Variants in PTBP1 observed in about 807,000 individuals in gnomAD.
The protein encoded by PTBP1 is polypyrimidine tract binding protein 1.
Under a neutral mutation model 59.8 loss-of-function variants are expected in PTBP1, and 8 were observed. The ratio of observed to expected loss-of-function variants is 0.13; its 90% CI spans 0.08 to 0.24. The LOEUF is 0.24. PTBP1 is among the 10% of genes least tolerant of loss of function. The pLI, the probability that PTBP1 is intolerant of heterozygous loss-of-function variation, is 1.00. For synonymous variants in PTBP1, 490 were observed against 320.7 expected (o/e 1.53, Z -5.64); for missense variants, 686 against 767.0 (o/e 0.89, Z 1.25).
chr19:808,970 CAG>C lies in PTBP1; in HGVS notation c.1463+209_1463+210del, dbSNP rs764001868. On this transcript the variant is annotated intron_variant, in intron 13 of 14. Transcript: ENST00000356948. This position sits in a 1 kb window ranked among gnomAD's most constrained non-coding sequence, Gnocchi z 4.7. Reference sequence around the variant, plus strand: ...GTTGGACACTTTGGAGGTTTTGGCTCAGGGGATGCTCCCTGTGAGAATGTATA... The same window carrying C: ...GTTGGACACTTTGGAGGTTTTGGCTCGGGATGCTCCCTGTGAGAATGTATA... Among the ~76,000 whole-genome samples the C allele has an allele frequency of 8.5e-5, 13 of 152,284 alleles. No homozygotes were observed. The highest frequency in any genetic ancestry group is 3.9e-4 in the East Asian group (2 of 5,172).
intron 3 of PTBP1, 104 bp downstream of exon 3, chr19:803,740 GC>G: frequency 9.2e-7 from 1 of 1,084,506 alleles, no homozygotes; most frequent in Non-Finnish European, 1.4e-6. Context: ...AACTGCAGGG[GC>G]CCATGGTCCA....
At chr19:799,590 C>T (rs1234010480) in intron 2 of PTBP1, 147 bp downstream of exon 2, 8 of 847,224 alleles carry the variant, frequency 9.4e-6, no homozygotes, top group South Asian at 8.4e-5. Context: ...TGGAGTTGGG[C>T]GGTAGGGTTT....
chr19:798,088 C>T (rs1006525707), intron 1 of PTBP1, among the ~76,000 whole-genome samples: 1 of 151,748 alleles, frequency 6.6e-6, no homozygotes, highest in African/African-American at 2.4e-5. Flanking sequence ...CTCTGCGCTC[C>T]CCGCCCTACC....
chr19:806,185 CGG>C, intron 9 of PTBP1: 1 of 473,652 alleles, frequency 2.1e-6, no homozygotes, highest in Non-Finnish European at 3.7e-6. Context: ...AGCCCAGGCC[CGG>C]CCCGGCCCGT....
chr19:799,467 T>TC lies in PTBP1; in HGVS notation c.39+26dup, dbSNP rs754631505. 5 of 1,612,488 alleles carry TC rather than the reference T, an allele frequency of 3.1e-6. No individual in the cohort carries two copies. In the African/African-American group the frequency reaches 5.3e-5, roughly 17 times the overall value. The stretch of plus-strand genomic sequence containing the variant: ...AGGTAGGCACTTCTCACTTTGCTTC[T>TC]CCGTGACGCTCCTCTGACCTTGTGC... On this transcript the variant is annotated intron_variant, in intron 2 of 14. Transcript: ENST00000356948.
intron 2 of PTBP1, among the ~76,000 whole-genome samples, 173 bp from the exon 3 acceptor site, chr19:803,388 G>A (rs909026006): frequency 6.6e-6 from 1 of 152,194 alleles, no homozygotes; most frequent in African/African-American, 2.4e-5. Flanking sequence ...GGTGCCGTGC[G>A]CGTCCATGGG....
rs199570797 is a variant in PTBP1 at position 800,676 on chromosome 19, C to T, written c.39+1233C>T. Among the ~76,000 whole-genome samples, 9 of 152,230 alleles carry T rather than the reference C, an allele frequency of 5.9e-5. No homozygotes were observed. The East Asian group carries it at 1.7e-3, about 29-fold the overall frequency. ...GTCTTTACGCGCTGCCTGCCCCGAT[C>T]TTCCTGGAGATAAAACCTGTTTGTT... On this transcript the variant is annotated intron_variant, in intron 2 of 14. Transcript: ENST00000356948.
At position 808,149 on chromosome 19, in the gene PTBP1, A is replaced by G. The variant is rs986689199; in HGVS notation, c.1154-211A>G. 1.4e-4 allele frequency: 89 copies of G among 632,912 alleles called. 1 individual carries two copies. In the East Asian group the frequency reaches 2.4e-3, roughly 17 times the overall value. The allele number at this position is 632,912 out of a possible 1,614,324, so 39.2% of individuals were successfully genotyped here. A position where few individuals can be genotyped will look rare whatever the true frequency, so the allele number is the denominator to read the frequency against. On this transcript the variant is annotated intron_variant, in intron 11 of 14. Transcript: ENST00000356948. This position sits in a 1 kb window ranked among gnomAD's most constrained non-coding sequence, Gnocchi z 4.7. The stretch of plus-strand genomic sequence containing the variant: ...TATGCCACCGTGGCCACCCGCTGGC[A>G]GCTTACCTGTCCTGGATGCTATGAC...
chr19:809,661 C>G (rs1446613181), intron 13 of PTBP1, among the ~76,000 whole-genome samples: 1 of 152,150 alleles, frequency 6.6e-6, no homozygotes, highest in East Asian at 1.9e-4. Context: ...GGGGGCCGGG[C>G]AGGGGATTGC....
chr19:804,677 C>G lies in PTBP1; in HGVS notation c.581C>G (p.Pro194Arg), dbSNP rs1364876001. 1 of 1,612,840 alleles carries G rather than the reference C, an allele frequency of 6.2e-7. No individual in the cohort carries two copies. Among genetic ancestry groups the G allele is most frequent in the Non-Finnish European group, 8.5e-7 (1 of 1,179,598 alleles). Residue 194 changes from proline to arginine, a missense_variant, in exon 6 of 15, where the codon CCT becomes CGT. Physicochemically the swap from Pro to Arg is moderately radical, Grantham distance 103 (BLOSUM62 -2). Coordinates refer to ENST00000356948, the MANE Select transcript of PTBP1 (RefSeq NM_002819.5). ...ATCATCGTGGAGAACCTCTTCTACC[C>G]TGTGACCCTGGATGTGCTGCACCAG... is the stretch of plus-strand genomic sequence containing the variant. ...LRIIVENLFY[P>R]VTLDVLHQIF...
chr19:802,941 AC>A (rs1447874272), intron 2 of PTBP1, among the ~76,000 whole-genome samples: 4 of 152,218 alleles, frequency 2.6e-5, no homozygotes, highest in African/African-American at 9.6e-5. Context: ...CGGCCGCGAT[AC>A]CAGCGGATCA....
At chr19:799,613 C>T (rs1198500374) in intron 2 of PTBP1, among the ~76,000 whole-genome samples, 170 bp downstream of exon 2, 1 of 152,242 alleles carries the variant, frequency 6.6e-6, no homozygotes, top group Non-Finnish European at 1.5e-5. Flanking sequence ...ACCCCGGGCT[C>T]CAGTGCCCGT....
In PTBP1 at chr19:804,061, C is replaced by G; in HGVS notation, c.141C>G (p.Phe47Leu). 1.2e-6 allele frequency: 2 copies of G among 1,614,006 alleles called. No individual in the cohort carries two copies. The highest frequency in any genetic ancestry group is 1.7e-6 in the Non-Finnish European group (2 of 1,179,994). The change falls in exon 4 of 15, where the codon TTC becomes TTG. Residue 47 changes from phenylalanine to leucine, a missense_variant. By Grantham distance (22) the Phe-to-Leu change is conservative. Coordinates refer to ENST00000356948, the MANE Select transcript of PTBP1 (RefSeq NM_002819.5). ...CAAACGGAAATGACAGCAAGAAGTTCAAAGGTGACAGCCGAAGTGCAGGCG... is the reference window on the plus strand; with the variant it reads ...CAAACGGAAATGACAGCAAGAAGTTGAAAGGTGACAGCCGAAGTGCAGGCG... The part of the protein sequence containing the change: ...SAANGNDSKK[F>L]KGDSRSAGVP...
At chr19:809,566 C>T (rs754368698) in intron 13 of PTBP1, among the ~76,000 whole-genome samples, 17 of 150,112 alleles carry the variant, frequency 1.1e-4, no homozygotes, top group Non-Finnish European at 1.9e-4. Context: ...GTGATCAACC[C>T]GCCTCGGCCT....
At chr19:797,708 C>G (rs1032484291) in intron 1 of PTBP1, among the ~76,000 whole-genome samples, 4 of 149,176 alleles carry the variant, frequency 2.7e-5, no homozygotes, top group African/African-American at 9.7e-5. Context: ...CCCCATCCCC[C>G]GTCCGGCCCG....
At chr19:809,239 C>T (rs1165698592) in intron 13 of PTBP1, among the ~76,000 whole-genome samples, 2 of 146,540 alleles carry the variant, frequency 1.4e-5, no homozygotes, top group East Asian at 3.9e-4. Context: ...GATCTCCTGA[C>T]CTTGTGATCC....
At position 797,455 on chromosome 19, in the gene PTBP1, C is replaced by G. The variant is rs1187157675; in HGVS notation, c.-43C>G. 1 of 1,600,046 alleles carries G rather than the reference C, an allele frequency of 6.2e-7. No individual in the cohort carries two copies. The highest frequency in any genetic ancestry group is 2.3e-5 in the East Asian group (1 of 44,010). ...AGCCGTTGGGTCGGTTCCTGCTATT[C>G]CGGCGCCTCCACTCCGTCCCCCGCG... On this transcript the variant is annotated 5_prime_UTR_variant, in exon 1 of 15. Coordinates refer to ENST00000356948, the MANE Select transcript of PTBP1 (RefSeq NM_002819.5).
At chr19:806,055 C>T (rs966102701) in intron 9 of PTBP1, 1 of 264,994 alleles carries the variant, frequency 3.8e-6, no homozygotes, top group Non-Finnish European at 7.1e-6. Flanking sequence ...GCCTCGTCTG[C>T]ATGGAGGCAT....
chr19:797,732 C>T (rs981034698), intron 1 of PTBP1, among the ~76,000 whole-genome samples: 1 of 148,064 alleles, frequency 6.8e-6, no homozygotes, highest in African/African-American at 2.5e-5. Context: ...CCGGCCCCCG[C>T]GCGCCCCGTC....
Sources: gnomAD v4.1 joint callset for allele counts (sites outside exome capture counted in the v4.1 genomes callset) on GRCh38, gnomAD v4.1.1 for gene constraint, Gnocchi (gnomAD v3.1) non-coding constraint, MANE v1.5 for transcripts, NCBI Gene and HGNC (gene_info 2026-07-23, HGNC 2026-07-21) for gene names.